Variants in TNFSF4 observed in about 807,000 individuals in gnomAD.
The protein encoded by TNFSF4 is tumor necrosis factor ligand superfamily member 4.
Under a neutral mutation model 7.3 loss-of-function variants are expected in TNFSF4, and 4 were observed. The ratio of observed to expected loss-of-function variants is 0.55; its 90% CI spans 0.27 to 1.25. TNFSF4 has a LOEUF of 1.25. TNFSF4 is among the 50% of genes most tolerant of loss of function. The pLI, the probability that TNFSF4 is intolerant of heterozygous loss-of-function variation, is 0.12. For missense variants in TNFSF4, 181 were observed against 208.8 expected (o/e 0.87, Z 0.82); for synonymous variants, 76 against 83.7 (o/e 0.91, Z 0.50).
the TNFSF4 span, among the ~76,000 whole-genome samples, chr1:173,355,745 G>T: frequency 1.3e-5 from 2 of 152,208 alleles, no homozygotes; most frequent in African/African-American, 4.8e-5. Flanking sequence ...CATACTTGTT[G>T]AATCCCTTCC....
At chr1:173,175,722 AATC>A in the TNFSF4 span, among the ~76,000 whole-genome samples, 1 of 152,210 alleles carries the variant, frequency 6.6e-6, no homozygotes, top group Non-Finnish European at 1.5e-5. Context: ...TGGGAAAAAC[AATC>A]ATCAGGTCAG....
the TNFSF4 span, among the ~76,000 whole-genome samples, chr1:173,309,456 A>G: frequency 2.0e-5 from 3 of 151,912 alleles, no homozygotes; most frequent in African/African-American, 7.2e-5. Flanking sequence ...TTTTTCTTGA[A>G]CTATTGAGAC....
the TNFSF4 span, among the ~76,000 whole-genome samples, chr1:173,385,636 G>A: frequency 7.1e-4 from 108 of 152,306 alleles, no homozygotes; most frequent in African/African-American, 2.4e-3. Context: ...ACAGGAGTTC[G>A]AGACCAGCCT....
the TNFSF4 span, among the ~76,000 whole-genome samples, chr1:173,311,692 T>A: frequency 1.3e-5 from 2 of 151,248 alleles, no homozygotes; most frequent in Non-Finnish European, 3.0e-5. Flanking sequence ...GATACAAGAG[T>A]CAACCAGGTA....
At chr1:173,286,183 C>T in the TNFSF4 span, among the ~76,000 whole-genome samples, 1 of 152,118 alleles carries the variant, frequency 6.6e-6, no homozygotes, top group Non-Finnish European at 1.5e-5. Flanking sequence ...TCATATAGTT[C>T]TATAGACTCA....
chr1:173,362,187 A>C, the TNFSF4 span, among the ~76,000 whole-genome samples: 1 of 152,246 alleles, frequency 6.6e-6, no homozygotes, highest in African/African-American at 2.4e-5. Flanking sequence ...TTGAGAGTTT[A>C]TAATAAAGAA....
At chr1:173,355,450 G>A in the TNFSF4 span, among the ~76,000 whole-genome samples, 1 of 152,136 alleles carries the variant, frequency 6.6e-6, no homozygotes, top group African/African-American at 2.4e-5. Context: ...AATAACACTT[G>A]TGAACCTCTG....
chr1:173,182,738 G>C (rs1031199955), downstream of TNFSF4, among the ~76,000 whole-genome samples: 1 of 152,212 alleles, frequency 6.6e-6, no homozygotes, highest in African/African-American at 2.4e-5. Flanking sequence ...CTTAGGTATT[G>C]CTGATGTGGG....
chr1:173,272,465 C>A, the TNFSF4 span, among the ~76,000 whole-genome samples: 2 of 151,852 alleles, frequency 1.3e-5, no homozygotes, highest in Non-Finnish European at 2.9e-5. Context: ...AAAAAGAAGT[C>A]AGAAGGAGCC....
At chr1:173,425,301 GA>G in the TNFSF4 span, among the ~76,000 whole-genome samples, 1 of 152,166 alleles carries the variant, frequency 6.6e-6, no homozygotes. Context: ...GTTTCTGTGT[GA>G]CCATTGACAG....
the TNFSF4 span, among the ~76,000 whole-genome samples, chr1:173,271,311 A>G: frequency 6.6e-6 from 1 of 152,090 alleles, no homozygotes; most frequent in East Asian, 1.9e-4. Context: ...TCCATCTTGA[A>G]AGAATTTTTG....
chr1:173,412,762 T>C, the TNFSF4 span, among the ~76,000 whole-genome samples: 1 of 152,194 alleles, frequency 6.6e-6, no homozygotes, highest in Admixed American at 6.5e-5. Flanking sequence ...GAGTGGAGTA[T>C]TACAGAGAAG....
At chr1:173,433,075 A>G in the TNFSF4 span, among the ~76,000 whole-genome samples, 2 of 152,196 alleles carry the variant, frequency 1.3e-5, no homozygotes, top group African/African-American at 2.4e-5. Context: ...TTTGCCAGGA[A>G]CTTTTTGCCT....
the TNFSF4 span, among the ~76,000 whole-genome samples, chr1:173,218,846 T>G: frequency 6.6e-6 from 1 of 152,172 alleles, no homozygotes; most frequent in African/African-American, 2.4e-5. Context: ...ATAAAATATA[T>G]GTAATAGATT....
chr1:173,343,444 C>A, the TNFSF4 span, among the ~76,000 whole-genome samples: 98,737 of 152,168 alleles, frequency 0.65, 32,083 homozygotes, highest in Admixed American at 0.69. Flanking sequence ...CAGCCCAATG[C>A]GCATTCAAGG....
the TNFSF4 span, among the ~76,000 whole-genome samples, chr1:173,245,245 A>G: frequency 6.6e-6 from 1 of 152,216 alleles, no homozygotes; most frequent in African/African-American, 2.4e-5. Flanking sequence ...TGATCAATAA[A>G]GATACTCATC....
At chr1:173,271,296 T>G in the TNFSF4 span, among the ~76,000 whole-genome samples, 1 of 152,198 alleles carries the variant, frequency 6.6e-6, no homozygotes, top group African/African-American at 2.4e-5. Flanking sequence ...CATTTAAGTC[T>G]TTAATCCATC....
the TNFSF4 span, among the ~76,000 whole-genome samples, chr1:173,296,715 G>A: frequency 0.012 from 1,889 of 152,020 alleles, 15 homozygotes; most frequent in Non-Finnish European, 0.02. Context: ...GGGTAGGCAG[G>A]AAAAATAGGG....
At chr1:173,224,447 C>T in the TNFSF4 span, among the ~76,000 whole-genome samples, 2 of 152,184 alleles carry the variant, frequency 1.3e-5, no homozygotes, top group African/African-American at 4.8e-5. Flanking sequence ...AACGAAAACA[C>T]TTATTTTTTT....
Sources: allele counts gnomAD v4.1 joint callset (sites outside exome capture counted in the v4.1 genomes callset), GRCh38; gene constraint gnomAD v4.1.1; transcripts MANE v1.5; gene names NCBI Gene and HGNC (gene_info 2026-07-23, HGNC 2026-07-21).